The following SLC48A1 variants were observed in gnomAD, a reference collection of about 807,000 sequenced individuals.
SLC48A1 encodes solute carrier family 48 member 1.
Under a neutral mutation model 14.8 loss-of-function variants are expected in SLC48A1, and 6 were observed. That is an observed-to-expected ratio of 0.41 (90% CI 0.22 to 0.80). The LOEUF (loss-of-function observed/expected upper bound fraction) is 0.80. Ranked by LOEUF, SLC48A1 falls within the 30% of genes least tolerant of loss-of-function variation. The probability of loss-of-function intolerance (pLI) is 0.34; values close to 1 mark genes in which losing one functional copy is unlikely to be tolerated. For synonymous variants in SLC48A1, 89 were observed against 90.0 expected (o/e 0.99, Z 0.06); for missense variants, 165 against 204.8 (o/e 0.81, Z 1.19).
upstream of SLC48A1, among the ~76,000 whole-genome samples, chr12:47,767,359 G>A (rs1942538526): frequency 6.6e-6 from 1 of 152,176 alleles, no homozygotes; most frequent in African/African-American, 2.4e-5. Context: ...AATTATTTAT[G>A]GACATTCAGC....
At chr12:47,764,522 C>T (rs1255768902) in intron 2 of SLC48A1, among the ~76,000 whole-genome samples, 1 of 152,212 alleles carries the variant, frequency 6.6e-6, no homozygotes, top group Non-Finnish European at 1.5e-5. Context: ...TAGCAGGGCC[C>T]TGTTCCCTGC....
At chr12:47,763,576 C>A (rs796598057) in intron 2 of SLC48A1, among the ~76,000 whole-genome samples, 3 of 152,282 alleles carry the variant, frequency 2.0e-5, no homozygotes, top group African/African-American at 7.2e-5. Flanking sequence ...CTGACTCTTG[C>A]CCCCGCTCCA....
chr12:47,772,231 T>C (rs1350416202), upstream of SLC48A1: 1 of 154,838 alleles, frequency 6.5e-6, no homozygotes, highest in Admixed American at 6.5e-5. Flanking sequence ...GTTATTGTGC[T>C]GGGATTTTCC....
At chr12:47,767,561 C>G (rs1338909980), upstream of SLC48A1, among the ~76,000 whole-genome samples, 1 of 152,064 alleles carries the variant, frequency 6.6e-6, no homozygotes, top group Non-Finnish European at 1.5e-5. Context: ...TGAATCAGGA[C>G]GAGTCAGTTA....
At chr12:47,759,135 G>T in intron 1 of SLC48A1, 1 of 982,050 alleles carries the variant, frequency 1.0e-6, no homozygotes, top group Non-Finnish European at 1.2e-6. Context: ...CGGCCGGGGT[G>T]TCAGGGATCC....
intron 1 of SLC48A1, among the ~76,000 whole-genome samples, chr12:47,759,466 A>ACTGCTCTCCAGAACGGGTAGGGGCTGG (rs1942300729): frequency 6.6e-6 from 1 of 150,922 alleles, no homozygotes; most frequent in African/African-American, 2.4e-5. Context: ...GCTGGAGAGG[A>ACTGCTCTCCAGAACGGGTAGGGGCTGG]AGGACTGCTC....
upstream of SLC48A1, chr12:47,770,813 C>A (rs1466612798): frequency 6.6e-6 from 3 of 456,550 alleles, no homozygotes; most frequent in African/African-American, 6.0e-5. Flanking sequence ...TCCAAACCCG[C>A]TACTCTACCT....
In SLC48A1 at chr12:47,781,403, C is replaced by T. The variant is rs1942873995; in HGVS notation, c.*1122C>T. 6.4e-6 allele frequency: 1 copy of T among 155,454 alleles called. No individual in the cohort carries two copies. The allele number at this position is 155,454 out of a possible 1,614,324, so 9.6% of individuals were successfully genotyped here. A position where few individuals can be genotyped will look rare whatever the true frequency, so the allele number is the denominator to read the frequency against. On this transcript the variant is annotated 3_prime_UTR_variant, in exon 3 of 3. Coordinates refer to ENST00000442218, the MANE Select transcript of SLC48A1 (RefSeq NM_017842.3). ...CGGCCAGGAGAGACCTTCTCTCCCACTCCAGCCCCTCTCACTGCCCTTCAA... is the reference window on the plus strand; with the variant it reads ...CGGCCAGGAGAGACCTTCTCTCCCATTCCAGCCCCTCTCACTGCCCTTCAA...
chr12:47,758,729 G>A (rs1942255723), intron 1 of SLC48A1: 8 of 1,351,172 alleles, frequency 5.9e-6, no homozygotes, highest in East Asian at 2.8e-5. Context: ...AGGATGCAGG[G>A]CTCGGTGGAG....
intron 1 of SLC48A1, chr12:47,778,804 GT>G (rs561217640): frequency 4.8e-4 from 229 of 472,392 alleles, no homozygotes; most frequent in African/African-American, 4.0e-3. Flanking sequence ...GAATGGTAGG[GT>G]TTTGTATTTC....
chr12:47,757,134 G>T (rs1214550733), upstream of SLC48A1, among the ~76,000 whole-genome samples: 1 of 152,154 alleles, frequency 6.6e-6, no homozygotes, highest in Non-Finnish European at 1.5e-5. Context: ...GTGGACACAC[G>T]CAGTGGAGAC....
At chr12:47,756,193 G>C (rs1463830187), upstream of SLC48A1, 4 of 152,210 alleles carry the variant, frequency 2.6e-5, no homozygotes, top group Non-Finnish European at 5.9e-5. Flanking sequence ...GCTGTGGAGA[G>C]TCAGGAGACA....
In SLC48A1 at chr12:47,781,090, C is replaced by G. The variant is rs1248695672; in HGVS notation, c.*809C>G. ...ACCTCTTAAACCCCCATCCCAGCAC[C>G]CCATCCTGTTGTTCCCAGAGCTGGT... is the stretch of plus-strand genomic sequence containing the variant. On this transcript the variant is annotated 3_prime_UTR_variant, in exon 3 of 3. Transcript: ENST00000442218. The G allele has an allele frequency of 2.9e-6, 1 of 345,762 alleles. No homozygotes were observed. Among genetic ancestry groups the G allele is most frequent in the African/African-American group, 2.2e-5 (1 of 46,070 alleles). 21.4% of individuals were successfully genotyped at this position (345,762 alleles called of 1,614,324 possible). A position where few individuals can be genotyped will look rare whatever the true frequency, so the allele number is the denominator to read the frequency against.
upstream of SLC48A1, among the ~76,000 whole-genome samples, chr12:47,771,775 A>G (rs111650754): frequency 0.025 from 3,779 of 152,118 alleles, 65 homozygotes; most frequent in Non-Finnish European, 0.04. Flanking sequence ...TTTACTAAAA[A>G]TACAAAAATT....
At chr12:47,760,255 G>GT in exon 2 of SLC48A1, 1 of 985,520 alleles carries the variant, frequency 1.0e-6, no homozygotes, top group Non-Finnish European at 1.2e-6. Context: ...CGCTGGTGGA[G>GT]TTTTAAATGC....
At chr12:47,770,819 T>C (rs1247776767), upstream of SLC48A1, 1 of 456,688 alleles carries the variant, frequency 2.2e-6, no homozygotes, top group Non-Finnish European at 4.4e-6. Context: ...CCCGCTACTC[T>C]ACCTTCAAAC....
rs1426016643 is a variant in SLC48A1, at chr12:47,780,256, A to C, written c.416A>C (p.Asp139Ala). The C allele has an allele frequency of 6.2e-7, 1 of 1,614,176 alleles. No homozygotes were observed. The highest frequency in any genetic ancestry group is 1.7e-5 in the Admixed American group (1 of 60,036). The change falls in exon 3 of 3, where the codon GAC (aspartate) becomes GCC (alanine). Residue 139 changes from aspartate (D) to alanine (A), a missense_variant. Physicochemically the swap from Asp to Ala is moderately radical, Grantham distance 126. Coordinates refer to ENST00000442218, the MANE Select transcript of SLC48A1 (RefSeq NM_017842.3). ...YAHRYRADFA[D>A]ISILSDF ...CACCGCTACCGGGCTGACTTTGCTG[A>C]CATCAGCATCCTCAGCGATTTCTGA...
intron 1 of SLC48A1, among the ~76,000 whole-genome samples, chr12:47,775,629 G>T (rs7136720): frequency 0.13 from 20,521 of 152,170 alleles, 1,654 homozygotes; most frequent in Non-Finnish European, 0.18. Context: ...ATTAACTAAC[G>T]TGTGAGCACC....
At chr12:47,779,399 A>G (rs1182228057) in intron 2 of SLC48A1, among the ~76,000 whole-genome samples, 1 of 152,180 alleles carries the variant, frequency 6.6e-6, no homozygotes, top group Non-Finnish European at 1.5e-5. Context: ...ACTGATGTGA[A>G]GTCTTGAGCA....
Sources: gnomAD v4.1 joint callset for allele counts (sites outside exome capture counted in the v4.1 genomes callset) on GRCh38, gnomAD v4.1.1 for gene constraint, MANE v1.5 for transcripts, NCBI Gene and HGNC (gene_info 2026-07-23, HGNC 2026-07-21) for gene names.